NCOA2: variants seen among roughly 807,000 people sequenced by gnomAD.
The protein encoded by NCOA2 is class E basic helix-loop-helix protein 75.
In NCOA2, 21 loss-of-function variants were observed where a neutral mutation model predicts 145.1. That is an observed-to-expected ratio of 0.14 (90% CI 0.10 to 0.21). The LOEUF is 0.21. Ranked by LOEUF, NCOA2 falls within the 10% of genes least tolerant of loss-of-function variation. NCOA2 has a pLI of 1.00. For missense variants in NCOA2, 1,472 were observed against 1,837.6 expected, an observed-to-expected ratio of 0.80 and a Z score of 3.64; for synonymous variants, 619 against 637.5, an observed-to-expected ratio of 0.97 and a Z score of 0.44.
At chr8:70,167,843 G>A (rs533082754) in intron 6 of NCOA2, among the ~76,000 whole-genome samples, 9 of 152,190 alleles carry the variant, frequency 5.9e-5, no homozygotes, top group Admixed American at 2.0e-4. Flanking sequence ...AGAATTAAAG[G>A]GTGTTTATGG....
chr8:70,184,917 A>G (rs1235303932), intron 4 of NCOA2, among the ~76,000 whole-genome samples: 3 of 152,146 alleles, frequency 2.0e-5, no homozygotes, highest in Admixed American at 6.5e-5. Flanking sequence ...TTCTGGGGCC[A>G]TATCTTCCAT....
At chr8:70,443,237 C>A in the NCOA2 span, among the ~76,000 whole-genome samples, 4 of 151,468 alleles carry the variant, frequency 2.6e-5, no homozygotes, top group Non-Finnish European at 1.5e-5. Flanking sequence ...TGGTGGGGGG[C>A]GCATGCCTGT....
chr8:70,246,622 A>T (rs1406921516), intron 2 of NCOA2, among the ~76,000 whole-genome samples: 5 of 152,134 alleles, frequency 3.3e-5, no homozygotes, highest in African/African-American at 4.8e-5. Context: ...GTACAGTTCA[A>T]TAGGGTTAAG....
At chr8:70,263,761 A>G (rs1341673914) in intron 2 of NCOA2, among the ~76,000 whole-genome samples, 1 of 152,032 alleles carries the variant, frequency 6.6e-6, no homozygotes, top group Non-Finnish European at 1.5e-5. Context: ...ATCACCCTAC[A>G]GTTAAATGGG....
chr8:70,234,655 T>G (rs1447570397), intron 2 of NCOA2, among the ~76,000 whole-genome samples: 1 of 152,240 alleles, frequency 6.6e-6, no homozygotes, highest in Non-Finnish European at 1.5e-5. Context: ...TTTGGCTATT[T>G]GCATATCTTC....
At chr8:70,432,275 A>G in the NCOA2 span, among the ~76,000 whole-genome samples, 1 of 152,220 alleles carries the variant, frequency 6.6e-6, no homozygotes, top group African/African-American at 2.4e-5. Flanking sequence ...TACAAATGAA[A>G]TATTTCTATG....
At chr8:70,309,391 C>CG (rs1828132606) in intron 1 of NCOA2, among the ~76,000 whole-genome samples, 1 of 150,308 alleles carries the variant, frequency 6.7e-6, no homozygotes, top group Admixed American at 6.6e-5. Context: ...AGAAACATCT[C>CG]GGGCAGACAA....
At chr8:70,374,528 T>G (rs1483722031) in intron 1 of NCOA2, among the ~76,000 whole-genome samples, 1 of 148,950 alleles carries the variant, frequency 6.7e-6, no homozygotes, top group African/African-American at 2.5e-5. Context: ...TGAGGCCAGG[T>G]GCTGTGGCTC....
the NCOA2 span, among the ~76,000 whole-genome samples, chr8:70,454,113 T>C: frequency 6.6e-6 from 1 of 152,270 alleles, no homozygotes; most frequent in African/African-American, 2.4e-5. Context: ...TCACATTTTA[T>C]CTGTATTATA....
At chr8:70,388,991 G>A (rs1296027482) in intron 1 of NCOA2, among the ~76,000 whole-genome samples, 1 of 152,152 alleles carries the variant, frequency 6.6e-6, no homozygotes, top group Admixed American at 6.5e-5. Flanking sequence ...TTTCTCCTAA[G>A]TGACTACTTT....
chr8:70,229,790 G>C (rs1441001879), intron 2 of NCOA2, among the ~76,000 whole-genome samples: 1 of 152,202 alleles, frequency 6.6e-6, no homozygotes, highest in Non-Finnish European at 1.5e-5. Context: ...CTTCGGAGGT[G>C]AAGCACAGCA....
chr8:70,261,260 T>C (rs1469484321), intron 2 of NCOA2, among the ~76,000 whole-genome samples: 1 of 152,180 alleles, frequency 6.6e-6, no homozygotes, highest in Non-Finnish European at 1.5e-5. Flanking sequence ...CACCATGGAA[T>C]ACTATGCAGC....
chr8:70,209,065 A>C (rs1316121732), intron 4 of NCOA2, among the ~76,000 whole-genome samples: 1 of 152,248 alleles, frequency 6.6e-6, no homozygotes, highest in African/African-American at 2.4e-5. Context: ...AAGAACATTC[A>C]TGATTCCATG....
intron 3 of NCOA2, among the ~76,000 whole-genome samples, chr8:70,214,702 G>C (rs947486544): frequency 2.6e-5 from 4 of 152,004 alleles, no homozygotes; most frequent in Admixed American, 2.6e-4. Flanking sequence ...TAAACAAACA[G>C]TCCAATTTCA....
At chr8:70,181,442 C>A (rs1299548731) in intron 4 of NCOA2, among the ~76,000 whole-genome samples, 1 of 152,170 alleles carries the variant, frequency 6.6e-6, no homozygotes, top group African/African-American at 2.4e-5. Context: ...TGTAATAATG[C>A]ATCTACTGAG....
In NCOA2 at chr8:70,163,446, C is replaced by T. The variant is rs375056571; in HGVS notation, c.832+19G>A. 467 of 1,573,504 alleles carry T rather than the reference C, an allele frequency of 3.0e-4. 1 individual carries two copies. Among genetic ancestry groups the T allele is most frequent in the Non-Finnish European group, 3.8e-4 (438 of 1,143,626 alleles). ...ATTCTAAAATGATTCCTTTGGTCTTCTTTGGAGAGGAAATTTACCTTGGAG... is the reference window on the plus strand; with the variant it reads ...ATTCTAAAATGATTCCTTTGGTCTTTTTTGGAGAGGAAATTTACCTTGGAG... On this transcript the variant is annotated intron_variant, in intron 8 of 22. Transcript: ENST00000452400.
chr8:70,344,246 A>G (rs903227871), intron 1 of NCOA2, among the ~76,000 whole-genome samples: 1 of 152,190 alleles, frequency 6.6e-6, no homozygotes, highest in African/African-American at 2.4e-5. Flanking sequence ...AATGAGGTGG[A>G]GAGGTGGGAA....
At chr8:70,255,060 T>A (rs1028236503) in intron 2 of NCOA2, among the ~76,000 whole-genome samples, 1 of 152,166 alleles carries the variant, frequency 6.6e-6, no homozygotes, top group Non-Finnish European at 1.5e-5. Context: ...ATTTAAAAAA[T>A]ACTTTTATAC....
chr8:70,426,541 T>C, the NCOA2 span, among the ~76,000 whole-genome samples: 4 of 152,228 alleles, frequency 2.6e-5, no homozygotes, highest in African/African-American at 2.4e-5. Context: ...AGGCAGGCAC[T>C]GTGAACTCTT....
Sources: allele counts gnomAD v4.1 joint callset (sites outside exome capture counted in the v4.1 genomes callset), GRCh38; gene constraint gnomAD v4.1.1; transcripts MANE v1.5; gene names NCBI Gene and HGNC (gene_info 2026-07-23, HGNC 2026-07-21).